Variants in TBC1D5 observed in about 807,000 individuals in gnomAD.
The protein encoded by TBC1D5 is TBC1 domain family member 5.
In TBC1D5, 75 loss-of-function variants were observed where a neutral mutation model predicts 100.3. The ratio of observed to expected loss-of-function variants is 0.75; its 90% CI spans 0.62 to 0.91. The LOEUF is 0.91. TBC1D5 is among the 40% of genes least tolerant of loss of function. The pLI is 0.00. For missense variants in TBC1D5, 910 were observed against 942.4 expected, an observed-to-expected ratio of 0.97 and a Z score of 0.45; for synonymous variants, 323 against 325.6, an observed-to-expected ratio of 0.99 and a Z score of 0.09.
intron 15 of TBC1D5, among the ~76,000 whole-genome samples, chr3:17,260,383 GAC>G (rs1344182693): frequency 6.6e-6 from 1 of 152,116 alleles, no homozygotes; most frequent in Non-Finnish European, 1.5e-5. Flanking sequence ...AGCAATTCAA[GAC>G]ACAGAGTGCT....
intron 15 of TBC1D5, among the ~76,000 whole-genome samples, chr3:17,282,188 C>T (rs2062568404): frequency 6.6e-6 from 1 of 152,142 alleles, no homozygotes; most frequent in Non-Finnish European, 1.5e-5. Flanking sequence ...TGAATGATTT[C>T]CCTGGGGGTA....
rs182264577 is a variant in TBC1D5 at position 17,350,620 on chromosome 3, C to T, written c.995+21455G>A. 3.4e-3 allele frequency among the ~76,000 whole-genome samples: 514 copies of T among 152,268 alleles called. 4 individuals are homozygous for T. The highest frequency in any genetic ancestry group is 0.011 in the African/African-American group (469 of 41,552). On this transcript the variant is annotated intron_variant, in intron 13 of 21. Transcript: ENST00000253692. ...GATGTACTACCAGTCATTCGCGACA[C>T]ATTTGCATTAACAAATCATCATTTA...
intron 4 of TBC1D5, among the ~76,000 whole-genome samples, chr3:17,409,373 A>G (rs1359059102): frequency 1.3e-5 from 2 of 152,122 alleles, no homozygotes; most frequent in African/African-American, 2.4e-5. Context: ...CCATACCACT[A>G]AACAGTCCCT....
At chr3:17,497,056 C>CCT (rs562100009) in intron 3 of TBC1D5, among the ~76,000 whole-genome samples, 1 of 145,610 alleles carries the variant, frequency 6.9e-6, no homozygotes, top group African/African-American at 2.5e-5. Context: ...TAGACAGATG[C>CCT]CTCTCTCTCT....
chr3:17,428,506 T>C, exon 4 of TBC1D5: 1 of 1,511,606 alleles, frequency 6.6e-7, no homozygotes, highest in Admixed American at 2.1e-5. Context: ...TTCTTCCATT[T>C]TTATTTGAAT....
At chr3:17,186,735 A>ATT (rs2069147753) in intron 18 of TBC1D5, among the ~76,000 whole-genome samples, 1 of 149,450 alleles carries the variant, frequency 6.7e-6, no homozygotes, top group Non-Finnish European at 1.5e-5. Context: ...AAAAAAAAAA[A>ATT]AAAAAAAAAT....
At chr3:17,434,572 T>C (rs753722221) in intron 3 of TBC1D5, among the ~76,000 whole-genome samples, 3 of 152,190 alleles carry the variant, frequency 2.0e-5, no homozygotes, top group Non-Finnish European at 4.4e-5. Context: ...CTGAGGTCTT[T>C]ATAATTCCTG....
intron 1 of TBC1D5, among the ~76,000 whole-genome samples, chr3:17,672,017 TC>T (rs1577366518): frequency 6.6e-6 from 1 of 152,206 alleles, no homozygotes; most frequent in Non-Finnish European, 1.5e-5. Flanking sequence ...AAACTGATAG[TC>T]TAACATTCGG....
chr3:17,444,278 A>G (rs1559897949), intron 3 of TBC1D5, among the ~76,000 whole-genome samples: 1 of 152,106 alleles, frequency 6.6e-6, no homozygotes, highest in Non-Finnish European at 1.5e-5. Flanking sequence ...AAAAGTAGAC[A>G]GCAAAACCCA....
intron 13 of TBC1D5, among the ~76,000 whole-genome samples, chr3:17,310,000 CCT>C (rs1478560142): frequency 1.3e-5 from 2 of 152,078 alleles, no homozygotes; most frequent in Non-Finnish European, 2.9e-5. Context: ...CAATCTTCCC[CCT>C]CTTTCCTTAC....
At chr3:17,497,824 TTGAG>T (rs2095733809) in intron 3 of TBC1D5, among the ~76,000 whole-genome samples, 1 of 152,196 alleles carries the variant, frequency 6.6e-6, no homozygotes, top group Non-Finnish European at 1.5e-5. Flanking sequence ...CATCTCTGAC[TTGAG>T]TGAGTAAAGC....
chr3:17,637,182 C>T (rs528084421), intron 1 of TBC1D5, among the ~76,000 whole-genome samples: 20 of 142,750 alleles, frequency 1.4e-4, no homozygotes, highest in African/African-American at 3.6e-4. Flanking sequence ...CCACCATGCC[C>T]GACTAATTTT....
chr3:17,231,164 T>G (rs1382665242), intron 17 of TBC1D5, among the ~76,000 whole-genome samples: 1 of 152,184 alleles, frequency 6.6e-6, no homozygotes, highest in African/African-American at 2.4e-5. Flanking sequence ...GTCTTGTGTG[T>G]GTACCTGTGT....
chr3:17,173,929 G>C (rs565108657), intron 19 of TBC1D5, among the ~76,000 whole-genome samples: 23 of 152,284 alleles, frequency 1.5e-4, no homozygotes, highest in South Asian at 1.2e-3. Context: ...CATTGACAAA[G>C]GGATGTCTGT....
chr3:17,164,684 A>T (rs1454790035), intron 21 of TBC1D5, among the ~76,000 whole-genome samples: 2 of 152,228 alleles, frequency 1.3e-5, no homozygotes, highest in African/African-American at 4.8e-5. Context: ...CTGATGAGTT[A>T]GCTCCTGCAG....
At chr3:17,321,642 T>G (rs2085422971) in intron 13 of TBC1D5, among the ~76,000 whole-genome samples, 1 of 152,242 alleles carries the variant, frequency 6.6e-6, no homozygotes, top group African/African-American at 2.4e-5. Flanking sequence ...ATCAATATAC[T>G]TTACCGTTAT....
intron 8 of TBC1D5, among the ~76,000 whole-genome samples, chr3:17,395,981 G>A (rs1185375516): frequency 6.6e-6 from 1 of 152,022 alleles, no homozygotes; most frequent in Non-Finnish European, 1.5e-5. Flanking sequence ...TGTCAAATGA[G>A]GAAGGACTAC....
intron 1 of TBC1D5, among the ~76,000 whole-genome samples, chr3:17,655,774 T>G (rs1225833807): frequency 6.6e-6 from 1 of 152,170 alleles, no homozygotes; most frequent in African/African-American, 2.4e-5. Context: ...CCAAGCATTT[T>G]GGATAAGAAA....
chr3:17,607,406 G>A (rs949085133), intron 2 of TBC1D5, among the ~76,000 whole-genome samples: 1 of 152,064 alleles, frequency 6.6e-6, no homozygotes, highest in Admixed American at 6.6e-5. Flanking sequence ...ACATAAATTT[G>A]AATCCAAATT....
Sources: gnomAD v4.1 joint callset for allele counts (sites outside exome capture counted in the v4.1 genomes callset) on GRCh38, gnomAD v4.1.1 for gene constraint, MANE v1.5 for transcripts, NCBI Gene and HGNC (gene_info 2026-07-23, HGNC 2026-07-21) for gene names.